The following ADAM22 variants were observed in gnomAD, a reference collection of about 807,000 sequenced individuals.
ADAM22 encodes ADAM metallopeptidase domain 22.
ADAM22 carries 65 observed loss-of-function variants against 144.6 expected under a neutral mutation model. The observed-to-expected ratio is 0.45, with a 90% CI of 0.37 to 0.55. The LOEUF (loss-of-function observed/expected upper bound fraction) is 0.55. Among genes scored for constraint, ADAM22 ranks in the 20% least tolerant of loss-of-function variants. The pLI is 0.00. For missense variants in ADAM22, 974 were observed against 1,184.9 expected (o/e 0.82, Z 2.61); for synonymous variants, 391 against 412.6 (o/e 0.95, Z 0.63).
At chr7:88,046,467 G>A (rs1158951621) in intron 3 of ADAM22, among the ~76,000 whole-genome samples, 1 of 152,060 alleles carries the variant, frequency 6.6e-6, no homozygotes, top group Non-Finnish European at 1.5e-5. Flanking sequence ...TATTTTGGAT[G>A]TTAACACCTT....
At chr7:88,042,243 A>C (rs1803332625) in intron 3 of ADAM22, among the ~76,000 whole-genome samples, 1 of 152,210 alleles carries the variant, frequency 6.6e-6, no homozygotes, top group South Asian at 2.1e-4. Flanking sequence ...GAAAGATTCA[A>C]GTTTACTTCC....
intron 3 of ADAM22, among the ~76,000 whole-genome samples, chr7:88,026,992 T>C (rs181621564): frequency 6.6e-6 from 1 of 152,370 alleles, no homozygotes; most frequent in Non-Finnish European, 1.5e-5. Context: ...AATGATCATA[T>C]GAATTTTCTT....
intron 14 of ADAM22, among the ~76,000 whole-genome samples, chr7:88,140,659 G>T (rs559280608): frequency 1.3e-5 from 2 of 151,890 alleles, no homozygotes; most frequent in Non-Finnish European, 2.9e-5. Context: ...CCTGGGCAAC[G>T]TGGGGAAACT....
At chr7:88,067,810 T>G (rs1811675105) in intron 3 of ADAM22, among the ~76,000 whole-genome samples, 2 of 152,106 alleles carry the variant, frequency 1.3e-5, no homozygotes, top group Admixed American at 6.6e-5. Context: ...GATTGTGACT[T>G]CCTCAATAGA....
rs185833845 is a variant in ADAM22, at chr7:87,955,086, T to C, written c.246+19900T>C. On this transcript the variant is annotated intron_variant, in intron 2 of 31. Transcript: ENST00000413139. ...TTCTTTGCCTTTGATTTGAATTTCC[T>C]CCTATAGCTCGGAGTAATTTGATCA... 7.9e-5 allele frequency among the ~76,000 whole-genome samples: 12 copies of C among 152,378 alleles called. No homozygotes were observed. The East Asian group carries it at 1.5e-3, about 20-fold the overall frequency.
rs577070043 is a variant in ADAM22, at chr7:87,952,857, C to T, written c.246+17671C>T. Among the ~76,000 whole-genome samples, 18 of 149,810 alleles carry T rather than the reference C, an allele frequency of 1.2e-4. No individual in the cohort carries two copies. In the Middle Eastern group the frequency reaches 0.01, roughly 86 times the overall value. Reference sequence around the variant, plus strand: ...TCTATTCAGAGATTCAACTTCTTCCCGGTTTAGTCTTGGGAGGGTGTATGT... The same window carrying T: ...TCTATTCAGAGATTCAACTTCTTCCTGGTTTAGTCTTGGGAGGGTGTATGT... On this transcript the variant is annotated intron_variant, in intron 2 of 31. Coordinates refer to ENST00000413139, the MANE Select transcript of ADAM22 (RefSeq NM_001324418.2).
intron 22 of ADAM22, among the ~76,000 whole-genome samples, chr7:88,159,379 G>A (rs914784927): frequency 2.0e-5 from 3 of 151,954 alleles, no homozygotes; most frequent in Non-Finnish European, 4.4e-5. Context: ...AAATTGAGGA[G>A]GAGTGACTCC....
At chr7:88,088,346 T>C (rs1177210764) in intron 4 of ADAM22, among the ~76,000 whole-genome samples, 7 of 152,120 alleles carry the variant, frequency 4.6e-5, no homozygotes, top group Admixed American at 4.6e-4. Context: ...CTTAGCACAA[T>C]ACCATCTCCC....
intron 3 of ADAM22, among the ~76,000 whole-genome samples, chr7:87,993,468 C>T (rs1790385858): frequency 6.6e-6 from 1 of 152,100 alleles, no homozygotes; most frequent in South Asian, 2.1e-4. Flanking sequence ...TGTCAGATTG[C>T]ACAATAATAG....
intron 8 of ADAM22, among the ~76,000 whole-genome samples, chr7:88,128,273 T>C (rs901946653): frequency 6.6e-6 from 1 of 152,050 alleles, no homozygotes; most frequent in Non-Finnish European, 1.5e-5. Flanking sequence ...AAAGGACATA[T>C]TCACATTTAG....
At chr7:88,037,535 A>G (rs78184612) in intron 3 of ADAM22, among the ~76,000 whole-genome samples, 5,919 of 151,970 alleles carry the variant, frequency 0.039, 160 homozygotes, top group Non-Finnish European at 0.059. Flanking sequence ...CTGCTGTCCA[A>G]TTTCCCATAG....
At chr7:88,150,881 A>C in intron 18 of ADAM22, 100 bp from the exon 19 acceptor site, 2 of 1,006,456 alleles carry the variant, frequency 2.0e-6, no homozygotes, top group Non-Finnish European at 3.1e-6. Flanking sequence ...GGGACTAGCC[A>C]TATTAACAAA....
chr7:88,195,753 G>T (rs1311451528), intron 31 of ADAM22, among the ~76,000 whole-genome samples: 1 of 152,102 alleles, frequency 6.6e-6, no homozygotes, highest in African/African-American at 2.4e-5. Context: ...TCCTGACCTC[G>T]TGATCTGCCC....
intron 3 of ADAM22, among the ~76,000 whole-genome samples, chr7:88,013,937 G>A (rs1409405962): frequency 2.6e-5 from 4 of 152,146 alleles, no homozygotes; most frequent in Admixed American, 2.6e-4. Context: ...AATATTAGTT[G>A]TATCTGAGTA....
At chr7:88,130,506 C>A (rs770605119) in intron 10 of ADAM22, 47 bp downstream of exon 10, 2 of 1,517,264 alleles carry the variant, frequency 1.3e-6, no homozygotes, top group Non-Finnish European at 9.1e-7. Flanking sequence ...TTCTTATTTC[C>A]TAATTGCTAA....
intron 11 of ADAM22, chr7:88,132,644 T>C: frequency 2.5e-6 from 1 of 392,672 alleles, no homozygotes. Context: ...TTAATAGATA[T>C]ACTTCAATTT....
intron 29 of ADAM22, chr7:88,185,938 A>G (rs1848196266): frequency 6.6e-6 from 1 of 152,350 alleles, no homozygotes; most frequent in African/African-American, 2.4e-5. Flanking sequence ...AGGAAGGAAC[A>G]CTGCAGCTGC....
At chr7:88,032,640 C>T (rs956241215) in intron 3 of ADAM22, among the ~76,000 whole-genome samples, 10 of 152,024 alleles carry the variant, frequency 6.6e-5, no homozygotes, top group African/African-American at 1.7e-4. Flanking sequence ...ACATGAGATT[C>T]GGTGGGGGAG....
intron 5 of ADAM22, among the ~76,000 whole-genome samples, chr7:88,113,414 C>T (rs1248726300): frequency 6.6e-6 from 1 of 151,026 alleles, no homozygotes; most frequent in Admixed American, 6.6e-5. Flanking sequence ...TGCTTCTATC[C>T]TTGCTGTGCT....
Sources: gnomAD v4.1 joint callset for allele counts (sites outside exome capture counted in the v4.1 genomes callset) on GRCh38, gnomAD v4.1.1 for gene constraint, MANE v1.5 for transcripts, NCBI Gene and HGNC (gene_info 2026-07-23, HGNC 2026-07-21) for gene names.